DOK6: variants seen among roughly 807,000 people sequenced by gnomAD.
The protein encoded by DOK6 is downstream of tyrosine kinase 6.
Under a neutral mutation model 44.0 loss-of-function variants are expected in DOK6, and 22 were observed. The ratio of observed to expected loss-of-function variants is 0.50; its 90% CI spans 0.36 to 0.71. The LOEUF (loss-of-function observed/expected upper bound fraction) is 0.71, where lower values mean the gene tolerates loss of function less well. DOK6 is among the 30% of genes least tolerant of loss of function. DOK6 has a pLI of 0.00. For synonymous variants in DOK6, 166 were observed against 145.5 expected (o/e 1.14, Z -1.01); for missense variants, 340 against 416.4 (o/e 0.82, Z 1.60).
chr18:69,767,337 A>G (rs1979747950), intron 7 of DOK6, among the ~76,000 whole-genome samples: 1 of 152,116 alleles, frequency 6.6e-6, no homozygotes. Context: ...TAATACAAGG[A>G]AAAAAAATTC....
rs551236523 is a variant in DOK6 at position 69,707,777 on chromosome 18, G to A, written c.599+9184G>A. On this transcript the variant is annotated intron_variant, in intron 5 of 7. Transcript: ENST00000382713. Reference sequence around the variant, plus strand: ...GTGATAAGGTTTCCAGATTGTGCTGGGTGCAGGAAATGAAGGGGAGCATGA... The same window carrying A: ...GTGATAAGGTTTCCAGATTGTGCTGAGTGCAGGAAATGAAGGGGAGCATGA... Among the ~76,000 whole-genome samples the A allele has an allele frequency of 7.2e-5, 11 of 152,246 alleles. No homozygotes were observed. The South Asian group carries it at 1.0e-3, about 14-fold the overall frequency.
chr18:69,791,482 AT>A (rs1263015992), intron 7 of DOK6, among the ~76,000 whole-genome samples: 43 of 152,288 alleles, frequency 2.8e-4, no homozygotes, highest in Admixed American at 6.5e-4. Context: ...TGTAGTTTTA[AT>A]CTGCATTTCT....
chr18:69,824,822 C>G (rs1393577667), intron 7 of DOK6, among the ~76,000 whole-genome samples: 1 of 152,196 alleles, frequency 6.6e-6, no homozygotes, highest in Non-Finnish European at 1.5e-5. Flanking sequence ...TAAATTGCGG[C>G]TCCGCAGGAC....
At chr18:69,617,328 A>AAAAGAAAGAAAGAAAG (rs34477258) in intron 3 of DOK6, among the ~76,000 whole-genome samples, 26 of 148,808 alleles carry the variant, frequency 1.7e-4, no homozygotes, top group Admixed American at 5.4e-4. Context: ...AGAGAGAAAG[A>AAAAGAAAGAAAGAAAG]AAAGAAAGAA....
chr18:69,823,624 T>TA (rs1568136741), intron 7 of DOK6, among the ~76,000 whole-genome samples: 4 of 124,512 alleles, frequency 3.2e-5, no homozygotes, highest in Admixed American at 7.8e-5. Context: ...AGTGTGTGTG[T>TA]TTGTGTGTGT....
chr18:69,601,786 G>A (rs1170249853), intron 3 of DOK6, among the ~76,000 whole-genome samples: 1 of 152,144 alleles, frequency 6.6e-6, no homozygotes, highest in Non-Finnish European at 1.5e-5. Flanking sequence ...TTGGAGAAAT[G>A]GTAGATTCTA....
chr18:69,637,157 T>C (rs1289541090), intron 3 of DOK6, among the ~76,000 whole-genome samples: 2 of 152,200 alleles, frequency 1.3e-5, no homozygotes, highest in Non-Finnish European at 2.9e-5. Context: ...AGGTTATTCT[T>C]GTCTTCCACT....
At chr18:69,482,164 T>G (rs1032227744) in intron 1 of DOK6, among the ~76,000 whole-genome samples, 2 of 152,326 alleles carry the variant, frequency 1.3e-5, no homozygotes, top group Non-Finnish European at 2.9e-5. Flanking sequence ...TTTCTCCCAT[T>G]CTGTAGGTTG....
At chr18:69,407,766 A>T (rs540168811) in intron 1 of DOK6, among the ~76,000 whole-genome samples, 1 of 152,228 alleles carries the variant, frequency 6.6e-6, no homozygotes, top group Non-Finnish European at 1.5e-5. Context: ...TGATGGTTGT[A>T]ACCTTTCAAC....
At chr18:69,413,337 G>A (rs1978314018) in intron 1 of DOK6, among the ~76,000 whole-genome samples, 1 of 152,040 alleles carries the variant, frequency 6.6e-6, no homozygotes, top group African/African-American at 2.4e-5. Flanking sequence ...TTTACTCCTA[G>A]CTTGGACATT....
At position 69,763,219 on chromosome 18, in the gene DOK6, G is replaced by A. The variant is rs369074314; in HGVS notation, c.856+5346G>A. Among the ~76,000 whole-genome samples the A allele has an allele frequency of 7.2e-5, 11 of 152,332 alleles. No individual in the cohort carries two copies. The South Asian group carries it at 1.0e-3, about 14-fold the overall frequency. ...AGCCACTGTTTAAAAATCTCTGTCC[G>A]TAAGTGGTTTGTAGCAGGTTGAGTT... On this transcript the variant is annotated intron_variant, in intron 7 of 7. Coordinates refer to ENST00000382713, the MANE Select transcript of DOK6 (RefSeq NM_152721.6).
chr18:69,666,080 T>A (rs536990302), intron 3 of DOK6, among the ~76,000 whole-genome samples: 2 of 152,308 alleles, frequency 1.3e-5, no homozygotes, highest in East Asian at 3.9e-4. Context: ...AGCAGTTGCC[T>A]TTTTCAACCT....
At chr18:69,494,582 G>A (rs1228856423) in intron 1 of DOK6, among the ~76,000 whole-genome samples, 2 of 152,104 alleles carry the variant, frequency 1.3e-5, no homozygotes, top group African/African-American at 2.4e-5. Context: ...TTTATTTTCT[G>A]GAATTACTGA....
intron 3 of DOK6, among the ~76,000 whole-genome samples, chr18:69,618,194 A>C (rs1984357486): frequency 6.6e-6 from 1 of 152,142 alleles, no homozygotes; most frequent in Non-Finnish European, 1.5e-5. Context: ...ATCCTAGAGA[A>C]CTGTGACAGA....
intron 2 of DOK6, among the ~76,000 whole-genome samples, chr18:69,588,531 T>C (rs934869863): frequency 6.6e-6 from 1 of 152,124 alleles, no homozygotes; most frequent in African/African-American, 2.4e-5. Flanking sequence ...AGGAGACTTC[T>C]AGTCACATCA....
chr18:69,477,000 G>C (rs554261291), intron 1 of DOK6, among the ~76,000 whole-genome samples: 1 of 152,184 alleles, frequency 6.6e-6, no homozygotes, highest in Non-Finnish European at 1.5e-5. Context: ...TTTGCCTGAA[G>C]TCTTAATTCT....
At chr18:69,576,203 C>T (rs1316098431) in intron 2 of DOK6, among the ~76,000 whole-genome samples, 1 of 151,932 alleles carries the variant, frequency 6.6e-6, no homozygotes, top group African/African-American at 2.4e-5. Flanking sequence ...ATGGCCAGTC[C>T]AAATATTGGA....
chr18:69,628,377 C>G (rs1298056983), intron 3 of DOK6, among the ~76,000 whole-genome samples: 5 of 152,132 alleles, frequency 3.3e-5, no homozygotes, highest in African/African-American at 1.2e-4. Flanking sequence ...GTAATCCCAG[C>G]TACTTGGGGG....
At chr18:69,416,805 T>C (rs1211167392) in intron 1 of DOK6, among the ~76,000 whole-genome samples, 1 of 152,196 alleles carries the variant, frequency 6.6e-6, no homozygotes, top group Non-Finnish European at 1.5e-5. Context: ...GACTATGTTG[T>C]GATCACTTTG....
Sources: allele counts gnomAD v4.1 joint callset (sites outside exome capture counted in the v4.1 genomes callset), GRCh38; gene constraint gnomAD v4.1.1; transcripts MANE v1.5; gene names NCBI Gene and HGNC (gene_info 2026-07-23, HGNC 2026-07-21).